Variants in LNX1 observed in about 807,000 individuals in gnomAD.
The protein encoded by LNX1 is ligand of numb-protein X 1, also known as E3 ubiquitin-protein ligase LNX.
Under a neutral mutation model 68.4 loss-of-function variants are expected in LNX1, and 54 were observed. That is an observed-to-expected ratio of 0.79 (90% CI 0.63 to 0.99). The LOEUF (loss-of-function observed/expected upper bound fraction) is 0.99. LNX1 is among the 50% of genes least tolerant of loss of function. The probability of loss-of-function intolerance (pLI) is 0.00; values close to 1 mark genes in which losing one functional copy is unlikely to be tolerated. For synonymous variants in LNX1, 336 were observed against 350.0 expected, an observed-to-expected ratio of 0.96 and a Z score of 0.45; for missense variants, 906 against 926.4, an observed-to-expected ratio of 0.98 and a Z score of 0.29.
At chr4:53,527,350 G>A (rs1384983683) in intron 2 of LNX1, among the ~76,000 whole-genome samples, 1 of 152,062 alleles carries the variant, frequency 6.6e-6, no homozygotes, top group Non-Finnish European at 1.5e-5. Flanking sequence ...TATATACTTA[G>A]ATGTAGAGCA....
At chr4:53,575,324 T>C (rs1731414473) in intron 1 of LNX1, among the ~76,000 whole-genome samples, 1 of 152,194 alleles carries the variant, frequency 6.6e-6, no homozygotes, top group African/African-American at 2.4e-5. Context: ...ACAATACATA[T>C]TTTCCTTTAA....
intron 6 of LNX1, among the ~76,000 whole-genome samples, chr4:53,492,788 T>C (rs779709623): frequency 2.0e-5 from 3 of 151,922 alleles, no homozygotes; most frequent in African/African-American, 7.3e-5. Flanking sequence ...GGAGAGCACG[T>C]TGGGCAAGGG....
chr4:53,475,065 G>A (rs1723476206), intron 9 of LNX1, among the ~76,000 whole-genome samples: 1 of 50,774 alleles, frequency 2.0e-5, no homozygotes, highest in South Asian at 5.3e-4. Context: ...ACCACACCCA[G>A]CCCAGACTAC....
chr4:53,607,723 T>A (rs1479678216), intron 2 of LNX1, among the ~76,000 whole-genome samples: 3 of 152,108 alleles, frequency 2.0e-5, no homozygotes, highest in Non-Finnish European at 4.4e-5. Context: ...CTTCAAACTA[T>A]AGTACAAGGC....
chr4:53,590,434 C>T (rs761539112), intron 1 of LNX1, among the ~76,000 whole-genome samples: 1 of 152,148 alleles, frequency 6.6e-6, no homozygotes, highest in South Asian at 2.1e-4. Flanking sequence ...CAGCTCATCC[C>T]AGCAGGCAGC....
At chr4:53,575,738 C>G in intron 1 of LNX1, 1 of 1,512,714 alleles carries the variant, frequency 6.6e-7, no homozygotes, top group Non-Finnish European at 8.8e-7. Context: ...GGCCACAGCT[C>G]TGTATTGCAT....
intron 2 of LNX1, chr4:53,558,314 G>A (rs1560665141): frequency 2.8e-6 from 3 of 1,077,932 alleles, no homozygotes; most frequent in South Asian, 3.0e-5. Context: ...ATCACCGGCT[G>A]GGAGCAGACA....
At chr4:53,536,428 T>C (rs1728378244) in intron 2 of LNX1, among the ~76,000 whole-genome samples, 1 of 152,194 alleles carries the variant, frequency 6.6e-6, no homozygotes, top group Non-Finnish European at 1.5e-5. Flanking sequence ...TCTAGAAATG[T>C]ATCTAGGAAT....
In LNX1 at chr4:53,627,427, C is replaced by G. The variant is rs1339170903; in HGVS notation, c.-215+24741G>C. ...GTTGAGCAATCTTGAAAGTTTAATT[C>G]CCTTCCAAATAACTTGGGTTGACTC... On this transcript the variant is annotated intron_variant, in intron 1 of 2. Transcript: ENST00000507168. Among the ~76,000 whole-genome samples the G allele has an allele frequency of 4.6e-5, 7 of 152,112 alleles. No homozygotes were observed. In the East Asian group the frequency reaches 1.3e-3, roughly 29 times the overall value.
chr4:53,460,005 A>G lies in LNX1; in HGVS notation c.*902T>C, dbSNP rs1159485966. 4.8e-6 allele frequency: 1 copy of G among 210,496 alleles called. No individual in the cohort carries two copies. Among genetic ancestry groups the G allele is most frequent in the African/African-American group, 2.3e-5 (1 of 43,950 alleles). The allele number at this position is 210,496 out of a possible 1,614,324, so 13.0% of individuals were successfully genotyped here. A position where few individuals can be genotyped will look rare whatever the true frequency, so the allele number is the denominator to read the frequency against. The stretch of plus-strand genomic sequence containing the variant: ...GTGAAACCAAATGGGGTACACTTTC[A>G]TATCCAAATTAATAAAACCTATAAG... On this transcript the variant is annotated 3_prime_UTR_variant, in exon 11 of 11. Transcript: ENST00000263925.
At chr4:53,564,129 T>C (rs1025252276) in intron 2 of LNX1, among the ~76,000 whole-genome samples, 19 of 152,180 alleles carry the variant, frequency 1.2e-4, no homozygotes, top group African/African-American at 3.4e-4. Context: ...CTCTCCTCAC[T>C]GCTGTTTTCC....
chr4:53,566,799 G>T (rs1341283922), intron 2 of LNX1, among the ~76,000 whole-genome samples: 133 of 149,666 alleles, frequency 8.9e-4, no homozygotes, highest in African/African-American at 3.0e-3. Context: ...AAAGGATGGA[G>T]GAAGATCTAC....
intron 2 of LNX1, among the ~76,000 whole-genome samples, chr4:53,552,665 C>A (rs1184022949): frequency 6.6e-6 from 1 of 151,924 alleles, no homozygotes; most frequent in African/African-American, 2.4e-5. Context: ...CCCATCTCTA[C>A]TAAAAATACA....
intron 1 of LNX1, among the ~76,000 whole-genome samples, chr4:53,650,403 G>C (rs138271957): frequency 0.011 from 1,712 of 152,260 alleles, 32 homozygotes; most frequent in African/African-American, 0.036. Context: ...CATGATGGCA[G>C]TTGATGACAT....
chr4:53,617,737 G>A (rs1733732342), upstream of LNX1, among the ~76,000 whole-genome samples: 1 of 152,160 alleles, frequency 6.6e-6, no homozygotes, highest in Admixed American at 6.5e-5. Flanking sequence ...CCACTAAATT[G>A]TAATACAGAG....
intron 2 of LNX1, among the ~76,000 whole-genome samples, chr4:53,568,115 A>G (rs953798674): frequency 3.3e-5 from 5 of 152,168 alleles, no homozygotes; most frequent in Non-Finnish European, 7.3e-5. Context: ...CAATTGATAG[A>G]AAAAGAGGGA....
chr4:53,652,340 A>G (rs867364594), exon 1 of LNX1: 10 of 152,238 alleles, frequency 6.6e-5, no homozygotes, highest in African/African-American at 2.4e-4. Context: ...TGCGGGGGTT[A>G]ACCTGGGCAT....
chr4:53,641,351 C>A (rs575946008), intron 1 of LNX1, among the ~76,000 whole-genome samples: 1 of 152,386 alleles, frequency 6.6e-6, no homozygotes, highest in African/African-American at 2.4e-5. Context: ...TGAGAGGGTG[C>A]CACAGCAGGG....
chr4:53,544,834 A>C (rs1298188403), intron 2 of LNX1, among the ~76,000 whole-genome samples: 1 of 152,216 alleles, frequency 6.6e-6, no homozygotes, highest in Non-Finnish European at 1.5e-5. Flanking sequence ...AGGTTGATGC[A>C]ATGACATCAT....
Sources: allele counts gnomAD v4.1 joint callset (sites outside exome capture counted in the v4.1 genomes callset), GRCh38; gene constraint gnomAD v4.1.1; transcripts MANE v1.5; gene names NCBI Gene and HGNC (gene_info 2026-07-23, HGNC 2026-07-21).